The following CDH13 variants were observed in gnomAD, a reference collection of about 807,000 sequenced individuals.
CDH13 encodes the protein cadherin-13.
CDH13 carries 24 observed loss-of-function variants against 63.8 expected under a neutral mutation model. The observed-to-expected ratio is 0.38, with a 90% CI of 0.27 to 0.53. CDH13 has a LOEUF of 0.53. Among genes scored for constraint, CDH13 ranks in the 20% least tolerant of loss-of-function variants. The probability of loss-of-function intolerance (pLI) is 0.85; values close to 1 mark genes in which losing one functional copy is unlikely to be tolerated. For synonymous variants in CDH13, 503 were observed against 355.3 expected (o/e 1.42, Z -4.67); for missense variants, 1,049 against 903.1 (o/e 1.16, Z -2.07).
At chr16:82,878,325 GT>G (rs1444251950) in intron 2 of CDH13, among the ~76,000 whole-genome samples, 2 of 151,750 alleles carry the variant, frequency 1.3e-5, no homozygotes, top group Non-Finnish European at 1.5e-5. Context: ...CAAGATTTTT[GT>G]TTTAGTAAAG....
chr16:83,116,473 C>T (rs1333937760), intron 3 of CDH13, among the ~76,000 whole-genome samples: 1 of 152,236 alleles, frequency 6.6e-6, no homozygotes, highest in Non-Finnish European at 1.5e-5. Context: ...CCTGACCAGT[C>T]AGTGGATGGC....
chr16:83,253,749 C>T (rs1905873831), intron 5 of CDH13, among the ~76,000 whole-genome samples: 1 of 152,174 alleles, frequency 6.6e-6, no homozygotes, highest in South Asian at 2.1e-4. Context: ...GTTCTGTTAG[C>T]AATTATTACC....
chr16:82,918,785 T>C (rs918111556), intron 2 of CDH13, among the ~76,000 whole-genome samples: 1 of 152,138 alleles, frequency 6.6e-6, no homozygotes, highest in Non-Finnish European at 1.5e-5. Flanking sequence ...ATGCTGCTAT[T>C]ATGGGTGTGA....
intron 1 of CDH13, among the ~76,000 whole-genome samples, chr16:82,780,786 T>G (rs1739076272): frequency 6.6e-6 from 1 of 152,252 alleles, no homozygotes; most frequent in Non-Finnish European, 1.5e-5. Flanking sequence ...TTCATTGTTC[T>G]ATTGTTGTCT....
Position 83,164,570 on chromosome 16 carries a change from A to T in CDH13, c.483+39069A>T, listed in dbSNP as rs1329018992. ...ACCCCATCTCTACTAAAAATACAGA[A>T]ATTAGCCAGGCATGGTGGGGGCGCC... On this transcript the variant is annotated intron_variant, in intron 4 of 13. Coordinates refer to ENST00000567109, the MANE Select transcript of CDH13 (RefSeq NM_001257.5). Among the ~76,000 whole-genome samples the T allele has an allele frequency of 2.6e-5, 4 of 151,878 alleles. No individual in the cohort carries two copies. In the East Asian group the frequency reaches 7.7e-4, roughly 29 times the overall value.
chr16:82,851,418 G>C (rs1385454830), intron 1 of CDH13, among the ~76,000 whole-genome samples: 1 of 141,140 alleles, frequency 7.1e-6, no homozygotes, highest in Non-Finnish European at 1.5e-5. Flanking sequence ...CTGGGTGACA[G>C]AGTGAGATTT....
intron 5 of CDH13, among the ~76,000 whole-genome samples, chr16:83,280,846 T>G (rs1395215158): frequency 1.3e-5 from 2 of 152,240 alleles, no homozygotes; most frequent in African/African-American, 4.8e-5. Context: ...CTAGGTATAT[T>G]GTCAATGAGC....
At chr16:83,080,869 G>GTTTTTTTTTTTTTTTTTTTT (rs1555579021) in intron 3 of CDH13, among the ~76,000 whole-genome samples, 2 of 37,796 alleles carry the variant, frequency 5.3e-5, no homozygotes, top group African/African-American at 2.1e-4. Context: ...TTTTGTTTTT[G>GTTTTTTTTTTTTTTTTTTTT]TGTTTTTTTT....
chr16:83,747,080 C>G (rs753806310), intron 10 of CDH13, among the ~76,000 whole-genome samples: 1 of 152,200 alleles, frequency 6.6e-6, no homozygotes, highest in Non-Finnish European at 1.5e-5. Context: ...CCCTAAATAT[C>G]TGTATATTCA....
chr16:82,906,577 A>G (rs1156983743), intron 2 of CDH13, among the ~76,000 whole-genome samples: 1 of 152,222 alleles, frequency 6.6e-6, no homozygotes, highest in Non-Finnish European at 1.5e-5. Context: ...GACTCACCTG[A>G]AAATGTCTAG....
chr16:83,349,531 G>A (rs540420186), intron 6 of CDH13, among the ~76,000 whole-genome samples: 20 of 152,094 alleles, frequency 1.3e-4, no homozygotes, highest in Non-Finnish European at 2.5e-4. Context: ...TACAGGGACA[G>A]ATACCAGGTA....
chr16:82,830,320 GCT>G (rs1266951565), intron 1 of CDH13, among the ~76,000 whole-genome samples: 4 of 152,184 alleles, frequency 2.6e-5, no homozygotes, highest in African/African-American at 9.7e-5. Flanking sequence ...ACTGTGCTAG[GCT>G]CTGTTATGAC....
intron 6 of CDH13, among the ~76,000 whole-genome samples, chr16:83,352,339 G>A (rs1020210978): frequency 6.6e-6 from 1 of 152,182 alleles, no homozygotes; most frequent in Non-Finnish European, 1.5e-5. Context: ...TCGTTCAAGA[G>A]GAAAGCGAAT....
intron 12 of CDH13, among the ~76,000 whole-genome samples, chr16:83,781,144 A>G (rs142307202): frequency 7.9e-5 from 12 of 152,272 alleles, no homozygotes; most frequent in African/African-American, 2.9e-4. Context: ...TCCTCCCACA[A>G]GTCCTTCCAC....
chr16:83,487,917 C>G (rs1228823766), intron 7 of CDH13, among the ~76,000 whole-genome samples: 1 of 152,206 alleles, frequency 6.6e-6, no homozygotes, highest in Non-Finnish European at 1.5e-5. Context: ...TCCTCATCCA[C>G]CTGATTCTTC....
At chr16:82,888,411 C>T (rs1162357774) in intron 2 of CDH13, among the ~76,000 whole-genome samples, 1 of 152,222 alleles carries the variant, frequency 6.6e-6, no homozygotes, top group African/African-American at 2.4e-5. Flanking sequence ...AATTCCTCCT[C>T]TGTCAAATGA....
At chr16:83,499,026 G>C (rs1048824915) in intron 7 of CDH13, among the ~76,000 whole-genome samples, 5 of 152,164 alleles carry the variant, frequency 3.3e-5, no homozygotes, top group Admixed American at 1.3e-4. Flanking sequence ...AGTACCCCTA[G>C]TGTTTTTTGA....
chr16:83,016,220 A>T (rs892944861), intron 2 of CDH13, among the ~76,000 whole-genome samples: 2 of 152,200 alleles, frequency 1.3e-5, no homozygotes, highest in African/African-American at 4.8e-5. Context: ...ACGTATGCAC[A>T]CAAGAATTAA....
At chr16:83,702,023 G>A (rs1906313917) in intron 10 of CDH13, among the ~76,000 whole-genome samples, 1 of 152,152 alleles carries the variant, frequency 6.6e-6, no homozygotes, top group Admixed American at 6.5e-5. Context: ...GGCTAATCTA[G>A]CAAAGCTCTT....
Sources: gnomAD v4.1 joint callset for allele counts (sites outside exome capture counted in the v4.1 genomes callset) on GRCh38, gnomAD v4.1.1 for gene constraint, MANE v1.5 for transcripts, NCBI Gene and HGNC (gene_info 2026-07-23, HGNC 2026-07-21) for gene names.